Variants in LRRC3B observed in about 807,000 individuals in gnomAD.
LRRC3B encodes the protein leucine-rich repeat-containing protein 3B.
Under a neutral mutation model 12.8 loss-of-function variants are expected in LRRC3B, and 2 were observed. That is an observed-to-expected ratio of 0.16 (90% CI 0.06 to 0.49). The LOEUF (loss-of-function observed/expected upper bound fraction) is 0.49. Among genes scored for constraint, LRRC3B ranks in the 20% least tolerant of loss-of-function variants. The probability of loss-of-function intolerance (pLI) is 0.96; values close to 1 mark genes in which losing one functional copy is unlikely to be tolerated. For missense variants in LRRC3B, 189 were observed against 319.4 expected (o/e 0.59, Z 3.11); for synonymous variants, 132 against 122.0 (o/e 1.08, Z -0.54).
chr3:26,701,490 T>C (rs993371193), intron 1 of LRRC3B, among the ~76,000 whole-genome samples: 1 of 152,174 alleles, frequency 6.6e-6, no homozygotes, highest in Non-Finnish European at 1.5e-5. Flanking sequence ...GGAGTCCCTC[T>C]GTTCTATGAA....
chr3:26,686,705 A>T (rs1700095822), intron 1 of LRRC3B, among the ~76,000 whole-genome samples: 1 of 152,232 alleles, frequency 6.6e-6, no homozygotes, highest in Non-Finnish European at 1.5e-5. Context: ...AGACTCTGAG[A>T]TGGGATTTGG....
chr3:26,635,184 A>G (rs1430028815), intron 1 of LRRC3B, among the ~76,000 whole-genome samples: 22 of 152,084 alleles, frequency 1.4e-4, no homozygotes, highest in Admixed American at 1.4e-3. Context: ...GCAGTGTCTG[A>G]TGCCTCTATA....
chr3:26,654,191 T>G (rs200761261), intron 1 of LRRC3B, among the ~76,000 whole-genome samples: 2 of 152,322 alleles, frequency 1.3e-5, no homozygotes, highest in East Asian at 3.9e-4. Flanking sequence ...AAGTGGCTGT[T>G]TAAGTATTTC....
At chr3:26,658,888 T>A (rs1699433229) in intron 1 of LRRC3B, among the ~76,000 whole-genome samples, 1 of 152,218 alleles carries the variant, frequency 6.6e-6, no homozygotes, top group Non-Finnish European at 1.5e-5. Flanking sequence ...TGCAACAAAT[T>A]ACCTGAAAAA....
intron 1 of LRRC3B, among the ~76,000 whole-genome samples, chr3:26,665,171 T>G (rs573192404): frequency 6.6e-6 from 1 of 152,076 alleles, no homozygotes; most frequent in African/African-American, 2.4e-5. Flanking sequence ...CCACAGCATC[T>G]CCTTCTGAAG....
exon 2 of LRRC3B, chr3:26,709,513 G>C (rs984004009): frequency 1.4e-6 from 1 of 690,788 alleles, no homozygotes; most frequent in Admixed American, 2.7e-5. Flanking sequence ...TTTCCTTTAG[G>C]TGCCCAAGCA....
intron 1 of LRRC3B, among the ~76,000 whole-genome samples, chr3:26,667,119 G>GAAAAAAAAAA (rs368094321): frequency 9.8e-6 from 1 of 101,532 alleles, no homozygotes; most frequent in Non-Finnish European, 2.3e-5. Context: ...TCACTTTCAA[G>GAAAAAAAAAA]AAAAAAAAAA....
At chr3:26,663,963 T>C (rs1268625572) in intron 1 of LRRC3B, among the ~76,000 whole-genome samples, 1 of 152,150 alleles carries the variant, frequency 6.6e-6, no homozygotes, top group African/African-American at 2.4e-5. Flanking sequence ...GATTTTTCTA[T>C]GAACACATTT....
chr3:26,660,980 T>G lies in LRRC3B; in HGVS notation c.-161+37743T>G, dbSNP rs1335269032. 3.3e-5 allele frequency among the ~76,000 whole-genome samples: 5 copies of G among 152,338 alleles called. No homozygotes were observed. In the South Asian group the frequency reaches 1.0e-3, roughly 32 times the overall value. ...AAATTATCCATGTAAGAGTTACTTTTTAGATACTCTTGACCATTATTAATG... is the reference window on the plus strand; with the variant it reads ...AAATTATCCATGTAAGAGTTACTTTGTAGATACTCTTGACCATTATTAATG... On this transcript the variant is annotated intron_variant, in intron 1 of 1. Coordinates refer to ENST00000396641, the Ensembl canonical transcript of LRRC3B.
intron 1 of LRRC3B, among the ~76,000 whole-genome samples, chr3:26,708,426 G>A (rs996098455): frequency 3.3e-5 from 5 of 152,112 alleles, no homozygotes; most frequent in Non-Finnish European, 7.4e-5. Flanking sequence ...TGTGGATAGT[G>A]GAAAGAGTTT....
chr3:26,656,972 T>C (rs1429625777), intron 1 of LRRC3B, among the ~76,000 whole-genome samples: 1 of 152,182 alleles, frequency 6.6e-6, no homozygotes, highest in East Asian at 1.9e-4. Flanking sequence ...CAAGCACAAC[T>C]TGGCTCTCTG....
At chr3:26,704,921 C>A (rs1389207372) in intron 1 of LRRC3B, among the ~76,000 whole-genome samples, 1 of 151,548 alleles carries the variant, frequency 6.6e-6, no homozygotes, top group Non-Finnish European at 1.5e-5. Flanking sequence ...GTTTTGCTAT[C>A]TATTTCCTTT....
At chr3:26,670,999 CTTCTCATGTATCTTTTTTTTTTTTTTTTT>C in intron 1 of LRRC3B, among the ~76,000 whole-genome samples, 2 of 146,720 alleles carry the variant, frequency 1.4e-5, no homozygotes, top group Admixed American at 1.4e-4. Context: ...CACAGTCTAC[CTTCTCATGTATCTTTTTTTTTTTTTTTTT>C]TTTTTGAGAC....
At chr3:26,666,760 T>A (rs1699613539) in intron 1 of LRRC3B, among the ~76,000 whole-genome samples, 1 of 152,166 alleles carries the variant, frequency 6.6e-6, no homozygotes, top group Non-Finnish European at 1.5e-5. Flanking sequence ...CTAATGTGCT[T>A]TTCTTTTCCA....
intron 1 of LRRC3B, among the ~76,000 whole-genome samples, chr3:26,691,657 C>G (rs1363404754): frequency 6.6e-6 from 1 of 152,128 alleles, no homozygotes; most frequent in Non-Finnish European, 1.5e-5. Context: ...TTGCATGATG[C>G]CTCAGTTCTG....
At chr3:26,667,216 G>A (rs1699624847) in intron 1 of LRRC3B, among the ~76,000 whole-genome samples, 1 of 151,020 alleles carries the variant, frequency 6.6e-6, no homozygotes. Context: ...CCTTCTAAGT[G>A]AATTTTGAAA....
At chr3:26,672,600 T>TAACC (rs1699771353) in intron 1 of LRRC3B, among the ~76,000 whole-genome samples, 1 of 152,208 alleles carries the variant, frequency 6.6e-6, no homozygotes, top group South Asian at 2.1e-4. Context: ...CTAAGGGTAA[T>TAACC]AACCATTTTT....
chr3:26,689,009 T>A (rs945699535), intron 1 of LRRC3B, among the ~76,000 whole-genome samples: 3 of 152,170 alleles, frequency 2.0e-5, no homozygotes, highest in African/African-American at 7.2e-5. Context: ...AGGCCTCAGT[T>A]ATCCCATAAT....
chr3:26,677,367 G>A (rs151076026), intron 1 of LRRC3B, among the ~76,000 whole-genome samples: 4 of 152,308 alleles, frequency 2.6e-5, no homozygotes, highest in Non-Finnish European at 5.9e-5. Flanking sequence ...GAACCTAAGG[G>A]AGGTTCAGCC....
Sources: gnomAD v4.1 joint callset for allele counts (sites outside exome capture counted in the v4.1 genomes callset) on GRCh38, gnomAD v4.1.1 for gene constraint, MANE v1.5 for transcripts, NCBI Gene and HGNC (gene_info 2026-07-23, HGNC 2026-07-21) for gene names.